The following SOD2 variants were observed in gnomAD, a reference collection of about 807,000 sequenced individuals.
The protein encoded by SOD2 is superoxide dismutase [Mn], mitochondrial.
A neutral mutation model predicts 27.0 loss-of-function variants in SOD2; 11 were observed. The ratio of observed to expected loss-of-function variants is 0.41; its 90% CI spans 0.26 to 0.67. The LOEUF (loss-of-function observed/expected upper bound fraction) is 0.67. Among genes scored for constraint, SOD2 ranks in the 30% least tolerant of loss-of-function variants. The pLI, the probability that SOD2 is intolerant of heterozygous loss-of-function variation, is 0.34. For synonymous variants in SOD2, 105 were observed against 103.0 expected (o/e 1.02, Z -0.12); for missense variants, 250 against 274.5 (o/e 0.91, Z 0.63).
intron 1 of SOD2, among the ~76,000 whole-genome samples, chr6:159,719,150 G>A (rs61133750): frequency 0.049 from 7,478 of 152,140 alleles, 315 homozygotes; most frequent in African/African-American, 0.1. Flanking sequence ...GGTCATGAAG[G>A]TAGGGCCTTC....
chr6:159,728,415 AAAAAC>A (rs1306079615), upstream of SOD2, among the ~76,000 whole-genome samples: 22 of 139,016 alleles, frequency 1.6e-4, no homozygotes, highest in African/African-American at 3.6e-4. Context: ...ATTATGTAAA[AAAAAC>A]AAAACAAAAC....
intron 1 of SOD2, among the ~76,000 whole-genome samples, chr6:159,698,347 G>A (rs559557054): frequency 1.4e-4 from 22 of 152,008 alleles, no homozygotes; most frequent in Admixed American, 5.2e-4. Flanking sequence ...ACTGCAGTGA[G>A]CTGAGATCCT....
At chr6:159,686,948 T>G (rs965365286) in intron 3 of SOD2, among the ~76,000 whole-genome samples, 1 of 152,206 alleles carries the variant, frequency 6.6e-6, no homozygotes, top group African/African-American at 2.4e-5. Context: ...GAAACAGTGA[T>G]AGCGAACAAG....
chr6:159,678,043 T>C lies in SOD2; in HGVS notation c.*4450A>G, dbSNP rs573219086. On this transcript the variant is annotated 3_prime_UTR_variant, in exon 5 of 5. Transcript: ENST00000538183. ...CCAGAAAGGGGAGAGAGGCTGAAGG[T>C]TGAGTTAATCGCCAATTGCCAATGG... 3.9e-5 allele frequency: 6 copies of C among 152,170 alleles called. No homozygotes were observed. The highest frequency in any genetic ancestry group is 1.9e-4 in the East Asian group (1 of 5,174). The allele number at this position is 152,170 out of a possible 1,614,324, so 9.4% of individuals were successfully genotyped here. A position where few individuals can be genotyped will look rare whatever the true frequency, so the allele number is the denominator to read the frequency against.
chr6:159,759,963 C>T (rs775201464), intron 1 of SOD2, among the ~76,000 whole-genome samples: 1 of 152,218 alleles, frequency 6.6e-6, no homozygotes. Flanking sequence ...TCATTCATAA[C>T]TGCCTATAAT....
chr6:159,715,122 TG>T (rs1777901618), intron 1 of SOD2, among the ~76,000 whole-genome samples: 1 of 151,864 alleles, frequency 6.6e-6, no homozygotes, highest in African/African-American at 2.4e-5. Flanking sequence ...TTCCCAGACT[TG>T]TGTTTAGAAA....
chr6:159,706,494 A>G (rs2114814340), intron 1 of SOD2, among the ~76,000 whole-genome samples: 2 of 152,304 alleles, frequency 1.3e-5, no homozygotes. Flanking sequence ...CAGACTTTAA[A>G]CCAACAAAGA....
chr6:159,691,793 A>G (rs1391829766), intron 2 of SOD2: 1 of 152,186 alleles, frequency 6.6e-6, no homozygotes, highest in African/African-American at 2.4e-5. Context: ...AGTAAATAAA[A>G]ACAAGCCTGT....
At chr6:159,726,630 CTT>C (rs1778181869) in intron 1 of SOD2, 1 of 478,288 alleles carries the variant, frequency 2.1e-6, no homozygotes, top group African/African-American at 2.0e-5. Context: ...TGCAGGACCT[CTT>C]TGATTGAGTT....
At chr6:159,709,221 C>G (rs1777683674) in intron 1 of SOD2, among the ~76,000 whole-genome samples, 1 of 152,120 alleles carries the variant, frequency 6.6e-6, no homozygotes, top group East Asian at 1.9e-4. Flanking sequence ...GACTTCATGA[C>G]TAAAACACCA....
At chr6:159,737,196 G>A (rs2842973) in intron 1 of SOD2, among the ~76,000 whole-genome samples, 47,829 of 151,882 alleles carry the variant, frequency 0.31, 8,326 homozygotes, top group Non-Finnish European at 0.4. Context: ...CTACAAGTAC[G>A]TGCCACCACG....
In SOD2 at chr6:159,676,560, A is replaced by G. The variant is rs1006292888; in HGVS notation, c.*5933T>C. Reference sequence around the variant, plus strand: ...GGAATTGAACAATGAGAACACTTGGACACAGGAAGGGGAACATCACACACC... The same window carrying G: ...GGAATTGAACAATGAGAACACTTGGGCACAGGAAGGGGAACATCACACACC... On this transcript the variant is annotated 3_prime_UTR_variant, in exon 5 of 5. Transcript: ENST00000538183. 1.3e-5 allele frequency: 2 copies of G among 152,112 alleles called. No individual in the cohort carries two copies. Among genetic ancestry groups the G allele is most frequent in the African/African-American group, 4.8e-5 (2 of 41,412 alleles). 9.4% of individuals were successfully genotyped at this position (152,112 alleles called of 1,614,324 possible).
chr6:159,697,575 A>G (rs1177594904), upstream of SOD2, among the ~76,000 whole-genome samples: 1 of 152,230 alleles, frequency 6.6e-6, no homozygotes, highest in African/African-American at 2.4e-5. Flanking sequence ...GTTCAGAACA[A>G]AAGTGTTCTG....
chr6:159,716,207 T>C (rs1362977754), intron 1 of SOD2, among the ~76,000 whole-genome samples: 1 of 152,340 alleles, frequency 6.6e-6, no homozygotes, highest in African/African-American at 2.4e-5. Flanking sequence ...GGAATCCTGA[T>C]GAACAGTGGT....
chr6:159,762,225 A>C, exon 1 of SOD2: 1 of 1,481,054 alleles, frequency 6.8e-7, no homozygotes, highest in Non-Finnish European at 9.0e-7. Context: ...TGTGTAGGAG[A>C]GGGGCGTATG....
chr6:159,720,873 T>G (rs1213547274), intron 1 of SOD2, among the ~76,000 whole-genome samples: 1 of 137,610 alleles, frequency 7.3e-6, no homozygotes, highest in African/African-American at 2.9e-5. Flanking sequence ...TTTTTTTTTT[T>G]TGAGACAGTG....
Position 159,681,604 on chromosome 6 carries a change from C to T in SOD2, c.*889G>A, listed in dbSNP as rs1014156473. The T allele has an allele frequency of 3.3e-5, 5 of 152,252 alleles. No individual in the cohort carries two copies. The highest frequency in any genetic ancestry group is 5.9e-5 in the Non-Finnish European group (4 of 68,122). 9.4% of individuals were successfully genotyped at this position (152,252 alleles called of 1,614,324 possible). On this transcript the variant is annotated 3_prime_UTR_variant, in exon 5 of 5. Transcript: ENST00000538183. The stretch of plus-strand genomic sequence containing the variant: ...ACCTGTAAGCCCGCCCCCTGCCTAC[C>T]CCACTTCACCTTTCAGGCCAAACCA...
intron 1 of SOD2, chr6:159,738,952 G>A: frequency 1.3e-6 from 2 of 1,526,300 alleles, no homozygotes; most frequent in East Asian, 4.6e-5. Flanking sequence ...TGTGTCTTCA[G>A]GAAGAACACT....
intron 1 of SOD2, among the ~76,000 whole-genome samples, chr6:159,733,751 T>C (rs573474892): frequency 2.0e-4 from 30 of 150,990 alleles, no homozygotes; most frequent in African/African-American, 6.8e-4. Flanking sequence ...CCGTCTCTAC[T>C]AAAAATACAA....
Sources: allele counts gnomAD v4.1 joint callset (sites outside exome capture counted in the v4.1 genomes callset), GRCh38; gene constraint gnomAD v4.1.1; transcripts MANE v1.5; gene names NCBI Gene and HGNC (gene_info 2026-07-23, HGNC 2026-07-21).